The following ZBTB20 variants were observed in gnomAD, a reference collection of about 807,000 sequenced individuals.
The protein encoded by ZBTB20 is zinc finger and BTB domain containing 20, also known as zinc finger and BTB domain-containing protein 20.
ZBTB20 carries 9 observed loss-of-function variants against 56.9 expected under a neutral mutation model. That is an observed-to-expected ratio of 0.16 (90% CI 0.10 to 0.28). The LOEUF is 0.28. ZBTB20 is among the 10% of genes least tolerant of loss of function. ZBTB20 has a pLI of 1.00. For synonymous variants in ZBTB20, 417 were observed against 420.7 expected (o/e 0.99, Z 0.11); for missense variants, 655 against 1,003.0 (o/e 0.65, Z 4.69).
chr3:114,416,948 A>T (rs1465885630), intron 7 of ZBTB20, among the ~76,000 whole-genome samples: 2 of 152,124 alleles, frequency 1.3e-5, no homozygotes, highest in African/African-American at 4.8e-5. Context: ...TTGGTGATTC[A>T]TTCTGAATTT....
intron 2 of ZBTB20, among the ~76,000 whole-genome samples, chr3:115,067,418 A>G (rs2082246590): frequency 1.3e-5 from 2 of 151,730 alleles, no homozygotes; most frequent in South Asian, 4.1e-4. Flanking sequence ...ATATACACAC[A>G]TTTTTCTGCA....
At position 114,334,885 on chromosome 3, in the gene ZBTB20, C is replaced by G. The variant is rs2079395202; in HGVS notation, c.*4120G>C. 4 of 152,136 alleles carry G rather than the reference C, an allele frequency of 2.6e-5. 1 individual carries two copies. The South Asian group carries it at 8.3e-4, about 31-fold the overall frequency. The allele number at this position is 152,136 out of a possible 1,614,324, so 9.4% of individuals were successfully genotyped here. On this transcript the variant is annotated 3_prime_UTR_variant, in exon 12 of 12. Coordinates refer to ENST00000675478, the MANE Select transcript of ZBTB20 (RefSeq NM_001348800.3). ...CATTTTGATACAGAGATTTTCATTT[C>G]AGATTTTTTTTCTTTGCTTAGCTTG...
At chr3:115,082,925 A>G (rs1265323113) in intron 1 of ZBTB20, among the ~76,000 whole-genome samples, 1 of 152,072 alleles carries the variant, frequency 6.6e-6, no homozygotes, top group East Asian at 1.9e-4. Flanking sequence ...TCTGACCATA[A>G]GGTAATAGCA....
intron 6 of ZBTB20, among the ~76,000 whole-genome samples, chr3:114,564,184 C>T (rs994066560): frequency 1.3e-5 from 2 of 152,132 alleles, no homozygotes; most frequent in African/African-American, 4.8e-5. Flanking sequence ...TCCTGCCTGC[C>T]TCTTTCCTTT....
At chr3:115,063,110 C>T (rs993317016) in intron 2 of ZBTB20, among the ~76,000 whole-genome samples, 1 of 152,070 alleles carries the variant, frequency 6.6e-6, no homozygotes, top group African/African-American at 2.4e-5. Flanking sequence ...AAACAGCATG[C>T]GAAAACCCCT....
At position 115,003,262 on chromosome 3, in the gene ZBTB20, C is replaced by T. The variant is rs1279586149; in HGVS notation, c.-506-28846G>A. Among the ~76,000 whole-genome samples the T allele has an allele frequency of 2.6e-5, 4 of 151,644 alleles. No individual in the cohort carries two copies. The East Asian group carries it at 5.9e-4, about 22-fold the overall frequency. On this transcript the variant is annotated intron_variant, in intron 2 of 11. Transcript: ENST00000675478. The stretch of plus-strand genomic sequence containing the variant: ...CATTTGTCAAAATCCATTAAATGTA[C>T]ACCCAGTGAACCCTAATGTACTATA...
At chr3:115,037,321 G>A (rs113076275) in intron 2 of ZBTB20, among the ~76,000 whole-genome samples, 13 of 152,074 alleles carry the variant, frequency 8.5e-5, no homozygotes, top group African/African-American at 1.4e-4. Context: ...GTCTCACTCC[G>A]TCACCCAAGC....
chr3:114,895,642 C>G (rs2074844880), intron 4 of ZBTB20, among the ~76,000 whole-genome samples: 1 of 152,104 alleles, frequency 6.6e-6, no homozygotes, highest in Non-Finnish European at 1.5e-5. Flanking sequence ...GTGTCCCACA[C>G]TTCCTTGAAA....
chr3:114,969,901 G>A (rs2108023728), intron 3 of ZBTB20, among the ~76,000 whole-genome samples: 1 of 152,262 alleles, frequency 6.6e-6, no homozygotes, highest in African/African-American at 2.4e-5. Context: ...TTGATACACA[G>A]GGAAATATGT....
At chr3:114,723,981 T>G (rs952318037) in intron 5 of ZBTB20, among the ~76,000 whole-genome samples, 1 of 151,816 alleles carries the variant, frequency 6.6e-6, no homozygotes, top group Non-Finnish European at 1.5e-5. Flanking sequence ...CCATTCTCCT[T>G]CCTCAGCCTC....
At chr3:114,701,901 T>C (rs2063409493) in intron 5 of ZBTB20, among the ~76,000 whole-genome samples, 1 of 152,252 alleles carries the variant, frequency 6.6e-6, no homozygotes, top group Admixed American at 6.5e-5. Flanking sequence ...TCCAAATGCA[T>C]ATTTGGAAAA....
intron 4 of ZBTB20, among the ~76,000 whole-genome samples, chr3:114,866,078 G>A (rs1244983559): frequency 2.0e-5 from 3 of 152,162 alleles, no homozygotes; most frequent in Non-Finnish European, 2.9e-5. Context: ...AATTTCACCA[G>A]TTACTAGCTA....
rs1453672213 is a variant in ZBTB20, at chr3:114,662,756, G to A, written c.-295+30772C>T. 4.8e-4 allele frequency among the ~76,000 whole-genome samples: 73 copies of A among 151,176 alleles called. 1 individual carries two copies. The highest frequency in any genetic ancestry group is 3.4e-3 in the Middle Eastern group (1 of 294). On this transcript the variant is annotated intron_variant, in intron 6 of 11. Transcript: ENST00000675478. ...CGCCCACTTTTTGATGGGGTTGTTTGTTTTTTTCTTGTAAATTTGTTTGAG... is the reference window on the plus strand; with the variant it reads ...CGCCCACTTTTTGATGGGGTTGTTTATTTTTTTCTTGTAAATTTGTTTGAG...
At chr3:114,669,033 T>C (rs1412619209) in intron 6 of ZBTB20, among the ~76,000 whole-genome samples, 1 of 152,062 alleles carries the variant, frequency 6.6e-6, no homozygotes, top group Non-Finnish European at 1.5e-5. Flanking sequence ...CAGTAATATA[T>C]ACTACCAATT....
intron 2 of ZBTB20, among the ~76,000 whole-genome samples, chr3:115,006,071 G>A (rs2079455816): frequency 6.6e-6 from 1 of 150,708 alleles, no homozygotes; most frequent in South Asian, 2.1e-4. Flanking sequence ...CTTCTATGGA[G>A]GCTTCAAACA....
At chr3:115,123,057 A>G in intron 1 of ZBTB20, among the ~76,000 whole-genome samples, 1 of 152,154 alleles carries the variant, frequency 6.6e-6, no homozygotes, top group East Asian at 1.9e-4. Flanking sequence ...GATCTGTCAC[A>G]GGCTAGTTCT....
chr3:114,993,234 G>C (rs1254104394), intron 2 of ZBTB20, among the ~76,000 whole-genome samples: 1 of 151,710 alleles, frequency 6.6e-6, no homozygotes, highest in Non-Finnish European at 1.5e-5. Context: ...GAGAAAAGCA[G>C]TACAAAAGAA....
intron 5 of ZBTB20, among the ~76,000 whole-genome samples, chr3:114,704,716 AT>A (rs909110645): frequency 1.3e-5 from 2 of 152,122 alleles, no homozygotes; most frequent in African/African-American, 4.8e-5. Context: ...TAACTCTCTC[AT>A]TTTCGCAATG....
intron 1 of ZBTB20, among the ~76,000 whole-genome samples, chr3:115,128,215 T>C (rs1440585906): frequency 6.6e-6 from 1 of 152,230 alleles, no homozygotes. Context: ...GCTATTAATT[T>C]CACATTTAAT....
Sources: allele counts gnomAD v4.1 joint callset (sites outside exome capture counted in the v4.1 genomes callset), GRCh38; gene constraint gnomAD v4.1.1; transcripts MANE v1.5; gene names NCBI Gene and HGNC (gene_info 2026-07-23, HGNC 2026-07-21).